The following MRTFB variants were observed in gnomAD, a reference collection of about 807,000 sequenced individuals.
MRTFB encodes myocardin-related transcription factor B.
MRTFB carries 29 observed loss-of-function variants against 104.2 expected under a neutral mutation model. The ratio of observed to expected loss-of-function variants is 0.28; its 90% CI spans 0.21 to 0.38. MRTFB has a LOEUF of 0.38. MRTFB is among the 10% of genes least tolerant of loss of function. The pLI, the probability that MRTFB is intolerant of heterozygous loss-of-function variation, is 1.00. For synonymous variants in MRTFB, 535 were observed against 519.5 expected, an observed-to-expected ratio of 1.03 and a Z score of -0.41; for missense variants, 1,270 against 1,341.6, an observed-to-expected ratio of 0.95 and a Z score of 0.83.
chr16:14,153,214 T>C (rs755160044), intron 3 of MRTFB: 3 of 152,182 alleles, frequency 2.0e-5, no homozygotes, highest in South Asian at 2.1e-4. Flanking sequence ...AAAATATAAA[T>C]AAAATGTGTA....
chr16:14,066,138 G>C, the MRTFB span, among the ~76,000 whole-genome samples: 1 of 152,106 alleles, frequency 6.6e-6, no homozygotes, highest in Non-Finnish European at 1.5e-5. Context: ...GAATGAATGT[G>C]CATAAAACAA....
intron 2 of MRTFB, among the ~76,000 whole-genome samples, chr16:14,098,703 T>C (rs576072672): frequency 6.2e-4 from 95 of 152,368 alleles, no homozygotes; most frequent in African/African-American, 2.0e-3. Flanking sequence ...CACTTTGGTA[T>C]ATGACCCATT....
intron 3 of MRTFB, among the ~76,000 whole-genome samples, chr16:14,161,582 C>A (rs12933161): frequency 6.6e-6 from 1 of 152,006 alleles, no homozygotes; most frequent in Non-Finnish European, 1.5e-5. Flanking sequence ...AAGAAAAAAC[C>A]TGATAGATTG....
At chr16:14,142,178 T>G (rs1472107438) in intron 3 of MRTFB, 1 of 151,922 alleles carries the variant, frequency 6.6e-6, no homozygotes, top group Non-Finnish European at 1.5e-5. Context: ...GCTTAGGTGC[T>G]GTGAAACCTT....
chr16:14,034,126 G>C, the MRTFB span, among the ~76,000 whole-genome samples: 1 of 152,192 alleles, frequency 6.6e-6, no homozygotes, highest in Non-Finnish European at 1.5e-5. Context: ...TTCAGGCTTT[G>C]TGTAGTTTGT....
At chr16:14,048,138 C>T in the MRTFB span, among the ~76,000 whole-genome samples, 10 of 152,194 alleles carry the variant, frequency 6.6e-5, no homozygotes, top group African/African-American at 1.4e-4. Context: ...CAAAATCCAA[C>T]GGGGCAGTCA....
chr16:14,125,458 C>T (rs2037060642), intron 2 of MRTFB, among the ~76,000 whole-genome samples: 1 of 152,252 alleles, frequency 6.6e-6, no homozygotes, highest in Non-Finnish European at 1.5e-5. Flanking sequence ...CTGCTTATGT[C>T]AGCTGGAGCG....
At chr16:14,018,392 C>T in the MRTFB span, among the ~76,000 whole-genome samples, 1 of 152,200 alleles carries the variant, frequency 6.6e-6, no homozygotes, top group South Asian at 2.1e-4. Context: ...ATATTAAATA[C>T]ACACGTGTTC....
chr16:14,232,606 G>A (rs1312009923), intron 8 of MRTFB, among the ~76,000 whole-genome samples: 1 of 152,172 alleles, frequency 6.6e-6, no homozygotes, highest in African/African-American at 2.4e-5. Flanking sequence ...TAACTGAAAA[G>A]CTGAAATCAG....
the MRTFB span, among the ~76,000 whole-genome samples, chr16:14,023,599 A>G: frequency 1.1e-5 from 1 of 91,416 alleles, no homozygotes. Flanking sequence ...ACACACACAC[A>G]CACACACACA....
At chr16:14,231,138 T>G (rs1388144197) in intron 8 of MRTFB, among the ~76,000 whole-genome samples, 10 of 96,582 alleles carry the variant, frequency 1.0e-4, no homozygotes, top group Non-Finnish European at 1.2e-4. Flanking sequence ...TGTTGTGGGG[T>G]AAGGGGAGGG....
At chr16:14,068,074 C>A (rs2033540946), upstream of MRTFB, among the ~76,000 whole-genome samples, 1 of 152,040 alleles carries the variant, frequency 6.6e-6, no homozygotes. Context: ...CCAGGTGATC[C>A]TCTCACCTCG....
intron 3 of MRTFB, among the ~76,000 whole-genome samples, chr16:14,192,363 G>C (rs1212595738): frequency 6.6e-6 from 1 of 152,042 alleles, no homozygotes; most frequent in Non-Finnish European, 1.5e-5. Context: ...GACAGAACAA[G>C]ACCCCTGTAT....
At chr16:14,210,811 G>C (rs550870037) in intron 4 of MRTFB, among the ~76,000 whole-genome samples, 49 of 152,278 alleles carry the variant, frequency 3.2e-4, no homozygotes, top group Admixed American at 2.9e-3. Context: ...TTTGTCTCAA[G>C]TACAGTTATT....
the MRTFB span, among the ~76,000 whole-genome samples, chr16:14,000,022 C>T: frequency 8.0e-4 from 122 of 152,254 alleles, no homozygotes; most frequent in African/African-American, 2.7e-3. Flanking sequence ...CACTGTGACT[C>T]TCATGGAAAG....
At chr16:14,182,825 CA>C (rs2039814780) in intron 3 of MRTFB, among the ~76,000 whole-genome samples, 1 of 151,926 alleles carries the variant, frequency 6.6e-6, no homozygotes, top group African/African-American at 2.4e-5. Flanking sequence ...ACAATTTGGG[CA>C]TTAAAATAAA....
intron 2 of MRTFB, among the ~76,000 whole-genome samples, chr16:14,127,921 ATATATATATT>A (rs1214339355): frequency 2.5e-5 from 1 of 39,910 alleles, no homozygotes; most frequent in African/African-American, 2.2e-4. Flanking sequence ...ATATATATAT[ATATATATATT>A]TTTTTTTTTT....
intron 8 of MRTFB, 116 bp downstream of exon 8, chr16:14,219,114 A>G (rs2041567552): frequency 1.8e-6 from 2 of 1,134,296 alleles, no homozygotes; most frequent in East Asian, 2.9e-5. Flanking sequence ...AAATTGATTT[A>G]TTAAGCAAAA....
At chr16:14,247,580 AT>A in intron 12 of MRTFB, 73 bp downstream of exon 12, 1 of 1,348,190 alleles carries the variant, frequency 7.4e-7, no homozygotes. Context: ...GGAAGGCACC[AT>A]ACCTGAGCTC....
Sources: allele counts gnomAD v4.1 joint callset (sites outside exome capture counted in the v4.1 genomes callset), GRCh38; gene constraint gnomAD v4.1.1; transcripts MANE v1.5; gene names NCBI Gene and HGNC (gene_info 2026-07-23, HGNC 2026-07-21).